PDE4D: variants seen among roughly 807,000 people sequenced by gnomAD.
The protein encoded by PDE4D is 3',5'-cyclic-AMP phosphodiesterase 4D.
A neutral mutation model predicts 87.4 loss-of-function variants in PDE4D; 24 were observed. The observed-to-expected ratio is 0.27, with a 90% CI of 0.20 to 0.39. The LOEUF (loss-of-function observed/expected upper bound fraction) is 0.39. PDE4D is among the 10% of genes least tolerant of loss of function. The pLI is 1.00. For synonymous variants in PDE4D, 384 were observed against 383.2 expected, an observed-to-expected ratio of 1.00 and a Z score of -0.02; for missense variants, 714 against 1,041.0, an observed-to-expected ratio of 0.69 and a Z score of 4.32.
chr5:59,915,036 T>C (rs1200073755), intron 3 of PDE4D, among the ~76,000 whole-genome samples: 1 of 152,048 alleles, frequency 6.6e-6, no homozygotes, highest in Non-Finnish European at 1.5e-5. Context: ...AGGTTGTAAA[T>C]CCAGAGTTTG....
At chr5:59,502,494 G>A (rs1808461631) in intron 1 of PDE4D, among the ~76,000 whole-genome samples, 1 of 151,996 alleles carries the variant, frequency 6.6e-6, no homozygotes, top group African/African-American at 2.4e-5. Context: ...AAAACTTGGG[G>A]TGAATACTGA....
chr5:59,389,818 G>C (rs1461680986), intron 1 of PDE4D, among the ~76,000 whole-genome samples: 1 of 152,098 alleles, frequency 6.6e-6, no homozygotes, highest in Non-Finnish European at 1.5e-5. Flanking sequence ...CTTGGAGGTA[G>C]AGAGTAGAAT....
At chr5:60,135,362 A>G (rs1779947082) in intron 2 of PDE4D, among the ~76,000 whole-genome samples, 2 of 152,218 alleles carry the variant, frequency 1.3e-5, no homozygotes. Context: ...CAGAATGGAT[A>G]AAGTCAGATC....
chr5:59,481,743 A>G (rs1003449199), intron 1 of PDE4D, among the ~76,000 whole-genome samples: 4 of 152,078 alleles, frequency 2.6e-5, no homozygotes, highest in African/African-American at 9.7e-5. Context: ...ATTATTGACC[A>G]CAGTCCCTTT....
At chr5:59,440,009 C>T (rs138149523) in intron 1 of PDE4D, among the ~76,000 whole-genome samples, 4 of 152,168 alleles carry the variant, frequency 2.6e-5, no homozygotes, top group African/African-American at 7.2e-5. Flanking sequence ...ATGAAGCTAA[C>T]GTCACCTAGA....
chr5:59,688,976 TG>T (rs1750412492), intron 1 of PDE4D, among the ~76,000 whole-genome samples: 2 of 152,038 alleles, frequency 1.3e-5, no homozygotes, highest in African/African-American at 4.8e-5. Context: ...CTAGAAGAAA[TG>T]GATGAATTCC....
intron 1 of PDE4D, among the ~76,000 whole-genome samples, chr5:59,283,946 T>G (rs1029137256): frequency 6.6e-6 from 1 of 152,148 alleles, no homozygotes; most frequent in African/African-American, 2.4e-5. Context: ...ACATTATCTC[T>G]TTAAGATTCA....
intron 1 of PDE4D, among the ~76,000 whole-genome samples, chr5:59,785,963 A>C (rs1765124766): frequency 6.9e-6 from 1 of 145,382 alleles, no homozygotes; most frequent in South Asian, 2.2e-4. Context: ...GAGTTTGTTG[A>C]GTGCCAGCTC....
At chr5:60,036,075 TATC>T (rs1369455618) in intron 2 of PDE4D, among the ~76,000 whole-genome samples, 1 of 152,242 alleles carries the variant, frequency 6.6e-6, no homozygotes, top group East Asian at 1.9e-4. Flanking sequence ...ATATTATAGT[TATC>T]ATCCTTCATC....
intron 1 of PDE4D, among the ~76,000 whole-genome samples, chr5:60,310,667 A>C (rs1035282303): frequency 1.3e-5 from 2 of 152,226 alleles, no homozygotes; most frequent in African/African-American, 4.8e-5. Flanking sequence ...GCATCTGCAC[A>C]TGCTCCTGAG....
At chr5:59,155,648 G>C (rs1342480627) in intron 5 of PDE4D, among the ~76,000 whole-genome samples, 1 of 152,118 alleles carries the variant, frequency 6.6e-6, no homozygotes, top group African/African-American at 2.4e-5. Context: ...ACATGAATGG[G>C]GAAAGAGCCA....
intron 1 of PDE4D, among the ~76,000 whole-genome samples, chr5:59,853,625 C>A (rs901679252): frequency 1.3e-5 from 2 of 151,926 alleles, no homozygotes; most frequent in African/African-American, 2.4e-5. Flanking sequence ...ATCTAAGTGC[C>A]ACTTTTAACA....
intron 3 of PDE4D, among the ~76,000 whole-genome samples, chr5:59,958,703 A>T (rs1759133291): frequency 6.6e-6 from 1 of 152,168 alleles, no homozygotes; most frequent in African/African-American, 2.4e-5. Flanking sequence ...CAAAATAATA[A>T]GAGTCATCTA....
intron 6 of PDE4D, among the ~76,000 whole-genome samples, chr5:59,028,940 G>GA (rs1441522891): frequency 2.6e-5 from 4 of 151,976 alleles, no homozygotes; most frequent in South Asian, 2.1e-4. Flanking sequence ...AAAAAATACA[G>GA]AAAAAATATA....
At chr5:59,959,928 A>T (rs1368699688) in intron 3 of PDE4D, among the ~76,000 whole-genome samples, 1 of 152,214 alleles carries the variant, frequency 6.6e-6, no homozygotes, top group Non-Finnish European at 1.5e-5. Context: ...AATGGGAGAA[A>T]ATATTTGCAA....
chr5:59,968,187 T>C (rs1327350362), intron 3 of PDE4D, among the ~76,000 whole-genome samples: 1 of 152,018 alleles, frequency 6.6e-6, no homozygotes, highest in Non-Finnish European at 1.5e-5. Flanking sequence ...TTTCTCCATG[T>C]TGGTCAGGCT....
chr5:60,132,320 T>A (rs1046361624), intron 2 of PDE4D, among the ~76,000 whole-genome samples: 1 of 152,232 alleles, frequency 6.6e-6, no homozygotes, highest in Non-Finnish European at 1.5e-5. Flanking sequence ...CTGTATATTT[T>A]AGAAATTAAT....
chr5:59,430,877 C>G (rs1363044759), intron 1 of PDE4D, among the ~76,000 whole-genome samples: 1 of 152,056 alleles, frequency 6.6e-6, no homozygotes, highest in Non-Finnish European at 1.5e-5. Flanking sequence ...TAATTATTTG[C>G]TATATTTTCG....
At chr5:60,056,817 C>T (rs1288665068) in intron 2 of PDE4D, among the ~76,000 whole-genome samples, 1 of 151,958 alleles carries the variant, frequency 6.6e-6, no homozygotes, top group South Asian at 2.1e-4. Context: ...AGCACGTGCA[C>T]AAGTATGCAA....
Sources: gnomAD v4.1 joint callset for allele counts (sites outside exome capture counted in the v4.1 genomes callset) on GRCh38, gnomAD v4.1.1 for gene constraint, MANE v1.5 for transcripts, NCBI Gene and HGNC (gene_info 2026-07-23, HGNC 2026-07-21) for gene names.